DDX10: variants seen among roughly 807,000 people sequenced by gnomAD.
The protein encoded by DDX10 is DEAD-box helicase 10.
In DDX10, 74 loss-of-function variants were observed where a neutral mutation model predicts 104.3. The ratio of observed to expected loss-of-function variants is 0.71; its 90% CI spans 0.59 to 0.86. The LOEUF is 0.86. Ranked by LOEUF, DDX10 falls within the 40% of genes least tolerant of loss-of-function variation. The pLI is 0.00. For synonymous variants in DDX10, 351 were observed against 353.4 expected (o/e 0.99, Z 0.08); for missense variants, 952 against 1,040.0 (o/e 0.92, Z 1.16).
rs1479111703 is a variant in DDX10 at position 108,677,312 on chromosome 11, G to C, written c.537+69G>C. 5.7e-6 allele frequency: 8 copies of C among 1,413,104 alleles called. No homozygotes were observed. In the Admixed American group the frequency reaches 1.5e-4, roughly 27 times the overall value. The allele number at this position is 1,413,104 out of a possible 1,614,324, so 87.5% of individuals were successfully genotyped here. On this transcript the variant is annotated intron_variant, in intron 4 of 17. Coordinates refer to ENST00000322536, the MANE Select transcript of DDX10 (RefSeq NM_004398.4). ...TACTGGAGTACTGTGGCCGATGACA[G>C]GGAGGCAGCAGAGACTTCATCTAAA...
rs753304251 is a variant in DDX10 at position 108,665,184 on chromosome 11, G to A, written c.31G>A (p.Gly11Arg). The A allele has an allele frequency of 1.7e-5, 27 of 1,611,852 alleles. No individual in the cohort carries two copies. Among genetic ancestry groups the A allele is most frequent in the Non-Finnish European group, 2.3e-5 (27 of 1,179,262 alleles). Residue 11 changes from glycine (G) to arginine (R), a missense_variant, in exon 1 of 18, where the codon GGA becomes AGA. By Grantham distance (125) the Gly-to-Arg change is moderately radical. Coordinates refer to ENST00000322536, the MANE Select transcript of DDX10 (RefSeq NM_004398.4). ...CAAAACGGCCAACTCTCCGGGTTCG[G>A]GAGCCCGACCCGACCCGGTGCGGAG... MGKTANSPGSGARPDPVRSFN... is the reference protein window; with the variant it reads MGKTANSPGSRARPDPVRSFN...
chr11:108,819,905 C>T (rs930063082), intron 13 of DDX10, among the ~76,000 whole-genome samples: 9 of 152,114 alleles, frequency 5.9e-5, no homozygotes, highest in Admixed American at 2.0e-4. Flanking sequence ...CAGCCCCATA[C>T]GCCTATTTCT....
chr11:108,939,072 G>A (rs187195230), intron 17 of DDX10, among the ~76,000 whole-genome samples: 243 of 152,264 alleles, frequency 1.6e-3, no homozygotes, highest in Middle Eastern at 3.4e-3. Context: ...ACTACTGTGT[G>A]TTCTCATTTA....
intron 16 of DDX10, among the ~76,000 whole-genome samples, chr11:108,853,765 C>G (rs1862827507): frequency 6.6e-6 from 1 of 152,066 alleles, no homozygotes; most frequent in African/African-American, 2.4e-5. Context: ...CTTCCATTTC[C>G]CACTCCCCTT....
At chr11:108,925,670 G>A (rs1416229696) in intron 17 of DDX10, among the ~76,000 whole-genome samples, 3 of 152,040 alleles carry the variant, frequency 2.0e-5, no homozygotes, top group African/African-American at 4.8e-5. Context: ...AAAATTTTTA[G>A]ATTGTACCCA....
intron 17 of DDX10, chr11:108,920,432 T>A (rs1863807758): frequency 6.6e-6 from 1 of 152,236 alleles, no homozygotes; most frequent in African/African-American, 2.4e-5. Flanking sequence ...AAGGGCTTGA[T>A]CACTGATGAG....
chr11:108,859,462 T>C (rs962054769), intron 16 of DDX10, among the ~76,000 whole-genome samples: 3 of 151,402 alleles, frequency 2.0e-5, no homozygotes, highest in African/African-American at 2.4e-5. Flanking sequence ...AAAAAAGGGC[T>C]GTGTGTGTAC....
rs141647214 is a variant in DDX10, at chr11:108,828,995, A to T, written c.1966-9451A>T. Among the ~76,000 whole-genome samples the T allele has an allele frequency of 1.1e-3, 164 of 152,306 alleles. 2 individuals carry two copies. In the South Asian group the frequency reaches 0.027, roughly 25 times the overall value. ...CATTTCTTTATCCACTCATTGATTG[A>T]TGGGCGTTTGGGTTGGTTCCATATT... On this transcript the variant is annotated intron_variant, in intron 13 of 17. Transcript: ENST00000322536.
chr11:108,926,902 C>G (rs776621068), intron 17 of DDX10, among the ~76,000 whole-genome samples: 2 of 152,144 alleles, frequency 1.3e-5, no homozygotes, highest in Admixed American at 6.6e-5. Flanking sequence ...AAAATCCAAG[C>G]TACATTTATG....
At position 108,940,278 on chromosome 11, in the gene DDX10, G is replaced by A; in HGVS notation, c.2483G>A (p.Arg828Lys). ...AAGAAGAAGCAGGGGATGAAGAAGA[G>A]GAGCAACAGTGAAGTGGAAGACGTG... ...DTKKKQGMKK[R>K]SNSEVEDVGP... The change falls in exon 18 of 18, where the codon AGG (arginine) becomes AAG (lysine). Residue 828 changes from arginine (R) to lysine (K), a missense_variant. Physicochemically the swap from Arg to Lys is conservative, Grantham distance 26 (BLOSUM62 2). Coordinates refer to ENST00000322536, the MANE Select transcript of DDX10 (RefSeq NM_004398.4). 1 of 1,614,032 alleles carries A rather than the reference G, an allele frequency of 6.2e-7. No homozygotes were observed. Among genetic ancestry groups the A allele is most frequent in the South Asian group, 1.1e-5 (1 of 91,072 alleles).
At chr11:108,694,036 T>G (rs2134452017) in intron 9 of DDX10, among the ~76,000 whole-genome samples, 1 of 152,304 alleles carries the variant, frequency 6.6e-6, no homozygotes, top group African/African-American at 2.4e-5. Context: ...GGTGGGGTCT[T>G]AAGCGTGCAT....
chr11:108,675,919 T>C, intron 3 of DDX10, 193 bp downstream of exon 3: 1 of 608,338 alleles, frequency 1.6e-6, no homozygotes, highest in Non-Finnish European at 2.8e-6. Context: ...GCACAGTGCC[T>C]TGCATGTGGC....
At chr11:108,836,660 T>A (rs1426713470) in intron 13 of DDX10, among the ~76,000 whole-genome samples, 2 of 152,112 alleles carry the variant, frequency 1.3e-5, no homozygotes, top group Non-Finnish European at 2.9e-5. Flanking sequence ...CTAATTTTTT[T>A]ATATTTTTAG....
At chr11:108,917,808 A>T in intron 16 of DDX10, 65 bp from the exon 17 acceptor site, 2 of 1,563,834 alleles carry the variant, frequency 1.3e-6, no homozygotes, top group Non-Finnish European at 8.7e-7. Context: ...GGGGTCTGCA[A>T]ATAAAACCTG....
intron 13 of DDX10, among the ~76,000 whole-genome samples, chr11:108,762,087 GA>G (rs1235362665): frequency 2.6e-5 from 4 of 152,082 alleles, no homozygotes; most frequent in Admixed American, 1.3e-4. Context: ...CTGACAGGAG[GA>G]GGTTGAACTA....
intron 17 of DDX10, among the ~76,000 whole-genome samples, chr11:108,932,033 A>G (rs1863982077): frequency 6.6e-6 from 1 of 151,914 alleles, no homozygotes; most frequent in Non-Finnish European, 1.5e-5. Context: ...TCAGCAAGGT[A>G]TAAAATATAA....
intron 16 of DDX10, among the ~76,000 whole-genome samples, chr11:108,854,148 G>A (rs1434868207): frequency 6.6e-6 from 1 of 152,178 alleles, no homozygotes; most frequent in African/African-American, 2.4e-5. Context: ...CAAGGAATGA[G>A]CTCAAACCAA....
chr11:108,784,965 T>A (rs1317317251), intron 13 of DDX10, among the ~76,000 whole-genome samples: 1 of 152,186 alleles, frequency 6.6e-6, no homozygotes, highest in Non-Finnish European at 1.5e-5. Flanking sequence ...CCCCATTGTT[T>A]ATTCTTGTCA....
At chr11:108,936,102 A>C (rs1663472941) in intron 17 of DDX10, among the ~76,000 whole-genome samples, 1 of 152,172 alleles carries the variant, frequency 6.6e-6, no homozygotes, top group Non-Finnish European at 1.5e-5. Flanking sequence ...AAGCAGTCTC[A>C]CCTTTTCCCA....
Sources: gnomAD v4.1 joint callset for allele counts (sites outside exome capture counted in the v4.1 genomes callset) on GRCh38, gnomAD v4.1.1 for gene constraint, MANE v1.5 for transcripts, NCBI Gene and HGNC (gene_info 2026-07-23, HGNC 2026-07-21) for gene names.